Variants in AGBL4 observed in about 807,000 individuals in gnomAD.
The protein encoded by AGBL4 is AGBL carboxypeptidase 4, also known as cytosolic carboxypeptidase 6.
In AGBL4, 58 loss-of-function variants were observed where a neutral mutation model predicts 66.4. The ratio of observed to expected loss-of-function variants is 0.87; its 90% CI spans 0.71 to 1.09. The LOEUF is 1.09. Ranked by LOEUF, AGBL4 falls within the 50% of genes least tolerant of loss-of-function variation. The probability of loss-of-function intolerance (pLI) is 0.00; values close to 1 mark genes in which losing one functional copy is unlikely to be tolerated. For missense variants in AGBL4, 579 were observed against 631.0 expected, an observed-to-expected ratio of 0.92 and a Z score of 0.88; for synonymous variants, 234 against 222.9, an observed-to-expected ratio of 1.05 and a Z score of -0.44.
chr1:48,997,199 A>C (rs1324010991), intron 5 of AGBL4, among the ~76,000 whole-genome samples: 1 of 152,152 alleles, frequency 6.6e-6, no homozygotes, highest in Non-Finnish European at 1.5e-5. Flanking sequence ...CTGGGATTAC[A>C]GGTGTGAGCC....
At chr1:49,948,152 A>C (rs1277924281) in intron 1 of AGBL4, among the ~76,000 whole-genome samples, 1 of 103,928 alleles carries the variant, frequency 9.6e-6, no homozygotes, top group Non-Finnish European at 1.7e-5. Flanking sequence ...ATATATATAA[A>C]TATACGTAAA....
intron 2 of AGBL4, among the ~76,000 whole-genome samples, chr1:49,818,241 A>G (rs1271396938): frequency 6.6e-6 from 1 of 152,208 alleles, no homozygotes; most frequent in Non-Finnish European, 1.5e-5. Context: ...GAGCCTCAAT[A>G]AAATGATGAC....
In AGBL4 at chr1:49,245,683, T is replaced by TG. The variant is rs1449561752; in HGVS notation, c.377+86dup. On this transcript the variant is annotated intron_variant, in intron 4 of 13. Coordinates refer to ENST00000371839, the MANE Select transcript of AGBL4 (RefSeq NM_032785.4). ...AAAAATTTTTATTTTTAATTTTTTT[T>TG]GGGGGTCCATTAGTAGGTGTGTATA... The TG allele has an allele frequency of 5.9e-6, 5 of 853,400 alleles. No individual in the cohort carries two copies. The South Asian group carries it at 9.6e-5, about 16-fold the overall frequency. The allele number at this position is 853,400 out of a possible 1,614,324, so 52.9% of individuals were successfully genotyped here.
chr1:49,787,502 C>CAA lies in AGBL4; in HGVS notation c.157+63892_157+63893dup, dbSNP rs201411173. Reference sequence around the variant, plus strand: ...TGGGCGACAGAGCGAGACTCTGTCTCAAAAAAAAAAAAAAAAAATTGAAAC... The same window carrying CAA: ...TGGGCGACAGAGCGAGACTCTGTCTCAAAAAAAAAAAAAAAAAAAATTGAAAC... On this transcript the variant is annotated intron_variant, in intron 2 of 13. Coordinates refer to ENST00000371839, the MANE Select transcript of AGBL4 (RefSeq NM_032785.4). Among the ~76,000 whole-genome samples, 134 of 74,436 alleles carry CAA rather than the reference C, an allele frequency of 1.8e-3. 2 individuals carry two copies. The highest frequency in any genetic ancestry group is 0.017 in the South Asian group (37 of 2,128). 48.8% of individuals were successfully genotyped at this position (74,436 alleles called of 152,430 possible). A position where few individuals can be genotyped will look rare whatever the true frequency, so the allele number is the denominator to read the frequency against.
chr1:49,455,969 C>G (rs1284891469), intron 3 of AGBL4, among the ~76,000 whole-genome samples: 1 of 151,710 alleles, frequency 6.6e-6, no homozygotes, highest in Non-Finnish European at 1.5e-5. Flanking sequence ...GCAGCATTGT[C>G]TATAGATAAT....
chr1:49,337,823 T>G (rs1242656338), intron 3 of AGBL4, among the ~76,000 whole-genome samples: 2 of 152,222 alleles, frequency 1.3e-5, no homozygotes, highest in Non-Finnish European at 2.9e-5. Context: ...AAGGCATACT[T>G]TGTGAGCTTC....
At chr1:49,732,846 A>G (rs114237767) in intron 2 of AGBL4, among the ~76,000 whole-genome samples, 51 of 152,284 alleles carry the variant, frequency 3.3e-4, no homozygotes, top group African/African-American at 1.2e-3. Context: ...ATGGGAAGAA[A>G]GGATTTAACA....
chr1:49,959,095 A>G (rs1656902884), intron 1 of AGBL4, among the ~76,000 whole-genome samples: 1 of 151,758 alleles, frequency 6.6e-6, no homozygotes, highest in Non-Finnish European at 1.5e-5. Context: ...AGGCAAGCAA[A>G]GCAAATAAAG....
At chr1:49,144,636 T>G (rs1302216367) in intron 4 of AGBL4, among the ~76,000 whole-genome samples, 1 of 152,030 alleles carries the variant, frequency 6.6e-6, no homozygotes, top group East Asian at 1.9e-4. Context: ...GACATAGTCC[T>G]TACTTCAAGG....
At chr1:49,766,796 C>T (rs1424018474) in intron 2 of AGBL4, among the ~76,000 whole-genome samples, 2 of 151,838 alleles carry the variant, frequency 1.3e-5, no homozygotes, top group Non-Finnish European at 2.9e-5. Flanking sequence ...GTTCTTATAT[C>T]AAATAAAATA....
intron 6 of AGBL4, among the ~76,000 whole-genome samples, chr1:48,813,849 TTTTTTCAAATCAA>T (rs1646113794): frequency 6.6e-6 from 1 of 151,870 alleles, no homozygotes; most frequent in Non-Finnish European, 1.5e-5. Context: ...AGCTTTTTTT[TTTTTTCAAATCAA>T]GGCTCAGGAG....
intron 3 of AGBL4, among the ~76,000 whole-genome samples, chr1:49,432,941 A>G (rs927301046): frequency 2.0e-5 from 3 of 152,182 alleles, no homozygotes; most frequent in Non-Finnish European, 2.9e-5. Flanking sequence ...GGAGAGGAGC[A>G]GAAAGCTAAA....
At chr1:48,680,456 A>T (rs957429510) in intron 6 of AGBL4, among the ~76,000 whole-genome samples, 1 of 152,174 alleles carries the variant, frequency 6.6e-6, no homozygotes, top group African/African-American at 2.4e-5. Flanking sequence ...ATCAGAAAAA[A>T]AATGATTGCT....
chr1:49,320,902 G>A (rs963212129), intron 3 of AGBL4, among the ~76,000 whole-genome samples: 3 of 152,128 alleles, frequency 2.0e-5, no homozygotes, highest in African/African-American at 4.8e-5. Flanking sequence ...TCTTCACAAG[G>A]TGGCAGGAGA....
At chr1:49,544,877 C>G (rs549251167) in intron 3 of AGBL4, among the ~76,000 whole-genome samples, 1 of 152,186 alleles carries the variant, frequency 6.6e-6, no homozygotes, top group African/African-American at 2.4e-5. Flanking sequence ...CTTGAGAGAA[C>G]GAGGTGAACC....
intron 11 of AGBL4, among the ~76,000 whole-genome samples, chr1:48,548,585 C>T (rs527921915): frequency 6.6e-6 from 1 of 152,204 alleles, no homozygotes; most frequent in Non-Finnish European, 1.5e-5. Context: ...CCCGCCTGGC[C>T]TGCGGCCTCC....
At chr1:49,362,895 A>G (rs1009042715) in intron 3 of AGBL4, among the ~76,000 whole-genome samples, 5 of 152,198 alleles carry the variant, frequency 3.3e-5, no homozygotes, top group African/African-American at 1.2e-4. Context: ...AGGATAATCA[A>G]GTCTGAAGAT....
intron 4 of AGBL4, among the ~76,000 whole-genome samples, chr1:49,170,035 T>G (rs1455424666): frequency 6.6e-6 from 1 of 151,854 alleles, no homozygotes; most frequent in African/African-American, 2.4e-5. Flanking sequence ...TTGGGTACAA[T>G]GTACACAACT....
chr1:49,927,640 G>T (rs749441824), intron 1 of AGBL4, among the ~76,000 whole-genome samples: 3 of 150,674 alleles, frequency 2.0e-5, no homozygotes, highest in African/African-American at 7.3e-5. Context: ...GAGCCAAACC[G>T]TATCACAGTT....
Sources: allele counts gnomAD v4.1 joint callset (sites outside exome capture counted in the v4.1 genomes callset), GRCh38; gene constraint gnomAD v4.1.1; transcripts MANE v1.5; gene names NCBI Gene and HGNC (gene_info 2026-07-23, HGNC 2026-07-21).